Variants in HDAC9 observed in about 807,000 individuals in gnomAD.
The protein encoded by HDAC9 is MEF-2 interacting transcription repressor (MITR) protein.
Under a neutral mutation model 139.4 loss-of-function variants are expected in HDAC9, and 41 were observed. The observed-to-expected ratio is 0.29, with a 90% CI of 0.23 to 0.38. The LOEUF (loss-of-function observed/expected upper bound fraction) is 0.38, where lower values mean the gene tolerates loss of function less well. HDAC9 is among the 10% of genes least tolerant of loss of function. HDAC9 has a pLI of 1.00. For missense variants in HDAC9, 1,147 were observed against 1,297.0 expected (o/e 0.88, Z 1.78); for synonymous variants, 517 against 476.2 (o/e 1.09, Z -1.12).
At chr7:18,507,765 T>C (rs1436709126) in intron 2 of HDAC9, among the ~76,000 whole-genome samples, 1 of 152,232 alleles carries the variant, frequency 6.6e-6, no homozygotes, top group African/African-American at 2.4e-5. Flanking sequence ...TTTTAAAAGA[T>C]AAATATGTTT....
At chr7:18,976,040 TCACCTGTCTCCTCCACTTCCAC>T in intron 25 of HDAC9, 87 bp downstream of exon 25, 7 of 1,374,894 alleles carry the variant, frequency 5.1e-6, no homozygotes, top group South Asian at 4.2e-5. Context: ...TGGCTTTCCT[TCACCTGTCTCCTCCACTTCCAC>T]CACCTGTCCT....
chr7:18,967,509 A>ACCCCC (rs1563092948), intron 24 of HDAC9, among the ~76,000 whole-genome samples: 2 of 130,878 alleles, frequency 1.5e-5, no homozygotes, highest in Admixed American at 7.4e-5. Context: ...CCCCCCCCAA[A>ACCCCC]AAAAAAAAAG....
At chr7:18,860,822 A>G (rs1798048029) in intron 21 of HDAC9, among the ~76,000 whole-genome samples, 1 of 152,160 alleles carries the variant, frequency 6.6e-6, no homozygotes, top group Non-Finnish European at 1.5e-5. Context: ...GAGCAATCAC[A>G]GGCAATTTTG....
intron 1 of HDAC9, among the ~76,000 whole-genome samples, chr7:18,156,442 TC>T (rs1787209291): frequency 6.6e-6 from 1 of 152,152 alleles, no homozygotes; most frequent in African/African-American, 2.4e-5. Flanking sequence ...CTGATCCAAA[TC>T]CAAGGACTAT....
chr7:18,967,728 C>G (rs904231676), intron 24 of HDAC9, among the ~76,000 whole-genome samples: 2 of 152,038 alleles, frequency 1.3e-5, no homozygotes, highest in Non-Finnish European at 2.9e-5. Context: ...TTTAATAACT[C>G]TTAAAAACCT....
intron 1 of HDAC9, among the ~76,000 whole-genome samples, chr7:18,331,619 G>A (rs963766238): frequency 4.5e-5 from 6 of 133,522 alleles, no homozygotes; most frequent in African/African-American, 1.5e-4. Flanking sequence ...AGAACTTAAA[G>A]TATAATAAAA....
intron 2 of HDAC9, among the ~76,000 whole-genome samples, chr7:18,168,997 G>A (rs376386966): frequency 2.7e-5 from 4 of 150,026 alleles, no homozygotes; most frequent in African/African-American, 7.3e-5. Context: ...GAGTGCAATG[G>A]CATGATCTTG....
At chr7:18,956,117 G>A (rs1783126772) in intron 24 of HDAC9, among the ~76,000 whole-genome samples, 1 of 151,986 alleles carries the variant, frequency 6.6e-6, no homozygotes, top group African/African-American at 2.4e-5. Flanking sequence ...ATCAAAACTT[G>A]CTGTAGGAGT....
rs370624935 is a variant in HDAC9, at chr7:18,895,882, A to G, written c.2803+21286A>G. On this transcript the variant is annotated intron_variant, in intron 22 of 25. Transcript: ENST00000686413. ...AGTAACAATAAGTCATTATTTAATCATGATTAACCACTTTTTAAATGGACA... is the reference window on the plus strand; with the variant it reads ...AGTAACAATAAGTCATTATTTAATCGTGATTAACCACTTTTTAAATGGACA... Among the ~76,000 whole-genome samples, 230 of 152,218 alleles carry G rather than the reference A, an allele frequency of 1.5e-3. 3 individuals are homozygous for G. The highest frequency in any genetic ancestry group is 5.2e-3 in the African/African-American group (218 of 41,562).
In HDAC9 at chr7:18,996,923, GCACGT is replaced by G. The variant is rs1786498806; in HGVS notation, c.*862_*866del. 6.6e-6 allele frequency: 1 copy of G among 152,112 alleles called. No individual in the cohort carries two copies. The allele number at this position is 152,112 out of a possible 1,614,324, so 9.4% of individuals were successfully genotyped here. A position where few individuals can be genotyped will look rare whatever the true frequency, so the allele number is the denominator to read the frequency against. Reference sequence around the variant, plus strand: ...CAAGCATTTTCAGTGTCTTTGAAAAGCACGTAACTTTTCAAAGGTGGTCTTAATTT... The same window carrying G: ...CAAGCATTTTCAGTGTCTTTGAAAAGAACTTTTCAAAGGTGGTCTTAATTT... On this transcript the variant is annotated 3_prime_UTR_variant, in exon 26 of 26. Coordinates refer to ENST00000686413, the MANE Select transcript of HDAC9 (RefSeq NM_178425.4).
At chr7:18,862,844 A>C (rs1798216316) in intron 21 of HDAC9, among the ~76,000 whole-genome samples, 1 of 152,210 alleles carries the variant, frequency 6.6e-6, no homozygotes, top group Non-Finnish European at 1.5e-5. Context: ...ATGTAGATTC[A>C]GGAGAATGCA....
chr7:18,857,230 A>T (rs1797751214), intron 21 of HDAC9, among the ~76,000 whole-genome samples: 1 of 151,950 alleles, frequency 6.6e-6, no homozygotes, highest in Non-Finnish European at 1.5e-5. Context: ...GTTGCAGCAC[A>T]TAAAAAGTTT....
intron 1 of HDAC9, chr7:18,429,122 T>C (rs1021892500): frequency 2.6e-5 from 4 of 152,216 alleles, no homozygotes; most frequent in African/African-American, 9.7e-5. Flanking sequence ...GCTTGTTGTT[T>C]TGTTACTTGC....
chr7:18,566,888 G>A (rs1274448959), intron 2 of HDAC9, among the ~76,000 whole-genome samples: 2 of 152,202 alleles, frequency 1.3e-5, no homozygotes, highest in African/African-American at 4.8e-5. Context: ...TAGTAGGTTT[G>A]TACTCTAGGA....
chr7:18,396,073 A>G (rs1002303404), intron 1 of HDAC9, among the ~76,000 whole-genome samples: 1 of 88,732 alleles, frequency 1.1e-5, no homozygotes. Context: ...TGACTCTCAA[A>G]GTGTCATTCC....
At chr7:18,924,576 A>T (rs1489928815) in intron 22 of HDAC9, among the ~76,000 whole-genome samples, 1 of 152,154 alleles carries the variant, frequency 6.6e-6, no homozygotes, top group African/African-American at 2.4e-5. Context: ...GCAATGAGAC[A>T]TGTCCCCATT....
intron 12 of HDAC9, among the ~76,000 whole-genome samples, chr7:18,673,094 C>T (rs2129084851): frequency 6.6e-6 from 1 of 151,986 alleles, no homozygotes; most frequent in Admixed American, 6.6e-5. Flanking sequence ...ATCCTACCCT[C>T]GTCACTCAGT....
chr7:18,444,074 C>T (rs998257105), intron 1 of HDAC9, among the ~76,000 whole-genome samples: 2 of 151,946 alleles, frequency 1.3e-5, no homozygotes, highest in African/African-American at 2.4e-5. Context: ...CATGGTGGCT[C>T]ATGCCTGTGA....
At chr7:18,309,931 G>A (rs1410885389) in intron 1 of HDAC9, among the ~76,000 whole-genome samples, 1 of 152,162 alleles carries the variant, frequency 6.6e-6, no homozygotes, top group African/African-American at 2.4e-5. Context: ...TTAAACAAAT[G>A]TGTTGAAGCA....
Sources: allele counts gnomAD v4.1 joint callset (sites outside exome capture counted in the v4.1 genomes callset), GRCh38; gene constraint gnomAD v4.1.1; transcripts MANE v1.5; gene names NCBI Gene and HGNC (gene_info 2026-07-23, HGNC 2026-07-21).